CDH12: variants seen among roughly 807,000 people sequenced by gnomAD.
The protein encoded by CDH12 is cadherin-12.
CDH12 carries 41 observed loss-of-function variants against 74.1 expected under a neutral mutation model. The ratio of observed to expected loss-of-function variants is 0.55; its 90% CI spans 0.43 to 0.72. CDH12 has a LOEUF of 0.72. Among genes scored for constraint, CDH12 ranks in the 30% least tolerant of loss-of-function variants. The pLI is 0.00. For missense variants in CDH12, 945 were observed against 977.2 expected (o/e 0.97, Z 0.44); for synonymous variants, 399 against 355.0 (o/e 1.12, Z -1.39).
intron 6 of CDH12, among the ~76,000 whole-genome samples, chr5:21,958,548 A>G (rs750347694): frequency 3.3e-5 from 5 of 152,138 alleles, no homozygotes; most frequent in Non-Finnish European, 4.4e-5. Flanking sequence ...TATTGAAAAG[A>G]CAGTCTTTTC....
In CDH12 at chr5:22,847,497, G is replaced by A. The variant is rs1737360474; in HGVS notation, c.-523+5561C>T. ...TCTTAAATACATCATTTCATTTAGT[G>A]CTGATGATAGCACCCCAAAATATAT... On this transcript the variant is annotated intron_variant, in intron 1 of 14. Transcript: ENST00000382254. 2.0e-5 allele frequency among the ~76,000 whole-genome samples: 3 copies of A among 152,042 alleles called. 1 individual carries two copies. In the South Asian group the frequency reaches 6.2e-4, roughly 32 times the overall value.
At chr5:22,749,518 T>C (rs1476572126) in intron 1 of CDH12, among the ~76,000 whole-genome samples, 1 of 152,174 alleles carries the variant, frequency 6.6e-6, no homozygotes, top group Non-Finnish European at 1.5e-5. Context: ...AAAGAAGAAA[T>C]GTTATAGGTT....
In CDH12 at chr5:21,832,849, A is replaced by T. The variant is rs1419461953; in HGVS notation, c.814+9312T>A. Among the ~76,000 whole-genome samples, 38 of 78,248 alleles carry T rather than the reference A, an allele frequency of 4.9e-4. No homozygotes were observed. The South Asian group carries it at 9.5e-3, about 20-fold the overall frequency. 51.3% of individuals were successfully genotyped at this position (78,248 alleles called of 152,430 possible). On this transcript the variant is annotated intron_variant, in intron 8 of 14. Transcript: ENST00000382254. The stretch of plus-strand genomic sequence containing the variant: ...ATATTATAATAATATAAATCATATG[A>T]TATATGATATATATCATATGATATA...
At chr5:22,362,580 A>G (rs78045443) in intron 3 of CDH12, among the ~76,000 whole-genome samples, 43,242 of 151,494 alleles carry the variant, frequency 0.29, 6,151 homozygotes, top group East Asian at 0.34. Flanking sequence ...CCCATTACTG[A>G]GTATATACCC....
chr5:22,839,033 G>T (rs896888381), intron 1 of CDH12, among the ~76,000 whole-genome samples: 1 of 152,046 alleles, frequency 6.6e-6, no homozygotes, highest in Non-Finnish European at 1.5e-5. Context: ...AAAAGTTTTT[G>T]TTGTTGGTAG....
intron 4 of CDH12, among the ~76,000 whole-genome samples, chr5:22,181,045 C>T (rs1266433933): frequency 1.3e-5 from 2 of 152,078 alleles, no homozygotes; most frequent in Admixed American, 1.3e-4. Flanking sequence ...AAAATAGACA[C>T]ACAGACCCTC....
At chr5:22,047,239 C>G (rs2150189756) in intron 5 of CDH12, among the ~76,000 whole-genome samples, 1 of 152,280 alleles carries the variant, frequency 6.6e-6, no homozygotes. Flanking sequence ...AGGATCCCTT[C>G]CTTAAACTTT....
chr5:21,946,712 A>G (rs1306288452), intron 6 of CDH12, among the ~76,000 whole-genome samples: 1 of 152,222 alleles, frequency 6.6e-6, no homozygotes, highest in Non-Finnish European at 1.5e-5. Context: ...AATATTACCT[A>G]GTGACATTGC....
At chr5:22,124,711 T>C (rs1745742278) in intron 4 of CDH12, among the ~76,000 whole-genome samples, 1 of 152,360 alleles carries the variant, frequency 6.6e-6, no homozygotes, top group African/African-American at 2.4e-5. Context: ...TCTTCTTAAA[T>C]TTATCTTTCC....
chr5:21,808,167 G>A (rs1448624883), intron 9 of CDH12, among the ~76,000 whole-genome samples: 1 of 151,956 alleles, frequency 6.6e-6, no homozygotes, highest in African/African-American at 2.4e-5. Context: ...AAACAGCCAC[G>A]AGGAACTGGC....
chr5:22,303,374 T>C (rs544219216), intron 3 of CDH12, among the ~76,000 whole-genome samples: 1 of 152,038 alleles, frequency 6.6e-6, no homozygotes, highest in Non-Finnish European at 1.5e-5. Context: ...TTTGATTACA[T>C]CATTAAACAA....
At chr5:21,870,932 A>C (rs1485781667) in intron 6 of CDH12, among the ~76,000 whole-genome samples, 15 of 152,102 alleles carry the variant, frequency 9.9e-5, no homozygotes, top group African/African-American at 3.4e-4. Context: ...GAATTTTGTC[A>C]TGTTGCTCAG....
chr5:21,790,671 A>C (rs1384280979), intron 10 of CDH12, among the ~76,000 whole-genome samples: 2 of 152,078 alleles, frequency 1.3e-5, no homozygotes, highest in East Asian at 3.9e-4. Context: ...AATAAGATAA[A>C]GTATATGTTG....
chr5:22,603,530 A>G (rs1736949419), intron 1 of CDH12, among the ~76,000 whole-genome samples: 1 of 152,180 alleles, frequency 6.6e-6, no homozygotes, highest in Non-Finnish European at 1.5e-5. Flanking sequence ...ACAGCCCTAA[A>G]TATCAGGGAA....
At chr5:22,534,144 T>G (rs1737718462) in intron 1 of CDH12, among the ~76,000 whole-genome samples, 1 of 152,190 alleles carries the variant, frequency 6.6e-6, no homozygotes, top group African/African-American at 2.4e-5. Context: ...ATCAATAGAT[T>G]GTAGCAAAAG....
chr5:22,353,307 A>G (rs1324829116), intron 3 of CDH12, among the ~76,000 whole-genome samples: 1 of 152,186 alleles, frequency 6.6e-6, no homozygotes, highest in Non-Finnish European at 1.5e-5. Context: ...AATTACAGAG[A>G]ATGACTGAAC....
chr5:22,424,998 C>A (rs1277505642), intron 2 of CDH12, among the ~76,000 whole-genome samples: 1 of 149,952 alleles, frequency 6.7e-6, no homozygotes, highest in African/African-American at 2.4e-5. Flanking sequence ...ATAGGTATTT[C>A]TTCCATACAT....
At chr5:22,705,665 T>C (rs1564199) in intron 1 of CDH12, among the ~76,000 whole-genome samples, 96,135 of 151,732 alleles carry the variant, frequency 0.63, 30,686 homozygotes, top group Admixed American at 0.71. Context: ...GTAAATGGTG[T>C]GGCTAAAAAA....
At chr5:22,853,004 C>G (rs1463638191) in intron 1 of CDH12, 54 bp downstream of exon 1, 1 of 152,156 alleles carries the variant, frequency 6.6e-6, no homozygotes, top group Non-Finnish European at 1.5e-5. Context: ...GTGCATGCAC[C>G]CTGAAGCGAT....
Sources: gnomAD v4.1 joint callset for allele counts (sites outside exome capture counted in the v4.1 genomes callset) on GRCh38, gnomAD v4.1.1 for gene constraint, MANE v1.5 for transcripts, NCBI Gene and HGNC (gene_info 2026-07-23, HGNC 2026-07-21) for gene names.